Variants in GC observed in about 807,000 individuals in gnomAD.
GC encodes the protein vitamin D-binding protein.
Under a neutral mutation model 56.7 loss-of-function variants are expected in GC, and 43 were observed. That is an observed-to-expected ratio of 0.76 (90% CI 0.59 to 0.98). The LOEUF (loss-of-function observed/expected upper bound fraction) is 0.98, where lower values mean the gene tolerates loss of function less well. Ranked by LOEUF, GC falls within the 50% of genes least tolerant of loss-of-function variation. The pLI is 0.00. For synonymous variants in GC, 216 were observed against 202.7 expected, an observed-to-expected ratio of 1.07 and a Z score of -0.56; for missense variants, 529 against 545.9, an observed-to-expected ratio of 0.97 and a Z score of 0.31.
rs1194396925 is a variant in GC at position 71,803,906 on chromosome 4, T to G, written c.21+20A>C. 17 of 1,435,940 alleles carry G rather than the reference T, an allele frequency of 1.2e-5. No homozygotes were observed. In the East Asian group the frequency reaches 4.2e-4, roughly 35 times the overall value. The allele number at this position is 1,435,940 out of a possible 1,614,324, so 88.9% of individuals were successfully genotyped here. A position where few individuals can be genotyped will look rare whatever the true frequency, so the allele number is the denominator to read the frequency against. ...AGTACCAATGGTAACTTGAAATTAT[T>G]TGGAATTAGAACGCAGTACCTCACT... On this transcript the variant is annotated intron_variant, in intron 1 of 13. Transcript: ENST00000504199.
upstream of GC, among the ~76,000 whole-genome samples, chr4:71,785,352 A>G (rs535046966): frequency 2.0e-4 from 30 of 151,870 alleles, no homozygotes; most frequent in Non-Finnish European, 3.5e-4. Context: ...AACTCAGTGG[A>G]AGAGTTTAAA....
chr4:71,787,446 T>C (rs1478175759), upstream of GC, among the ~76,000 whole-genome samples: 1 of 151,948 alleles, frequency 6.6e-6, no homozygotes, highest in Non-Finnish European at 1.5e-5. Flanking sequence ...GTCTTTCATT[T>C]ATTCATTTAA....
chr4:71,779,659 T>C (rs747034812), intron 1 of GC, among the ~76,000 whole-genome samples: 12 of 151,870 alleles, frequency 7.9e-5, no homozygotes, highest in Non-Finnish European at 1.3e-4. Context: ...GTTTCTTCAT[T>C]TTCTCCTGTC....
At chr4:71,777,291 C>T (rs1212782610) in intron 1 of GC, among the ~76,000 whole-genome samples, 1 of 151,692 alleles carries the variant, frequency 6.6e-6, no homozygotes, top group Non-Finnish European at 1.5e-5. Context: ...CTATCAAGTA[C>T]TCAATGCTAT....
intron 11 of GC, among the ~76,000 whole-genome samples, chr4:71,749,384 T>G (rs1484633182): frequency 6.6e-6 from 1 of 152,232 alleles, no homozygotes; most frequent in Non-Finnish European, 1.5e-5. Flanking sequence ...AGCATGAATT[T>G]GCGCTTAAAG....
At chr4:71,792,961 A>G (rs967685636) in intron 1 of GC, among the ~76,000 whole-genome samples, 1 of 152,186 alleles carries the variant, frequency 6.6e-6, no homozygotes, top group Non-Finnish European at 1.5e-5. Context: ...GTCAAAGATC[A>G]GATGGTTGTA....
intron 1 of GC, among the ~76,000 whole-genome samples, chr4:71,773,458 G>A (rs920304193): frequency 1.4e-4 from 22 of 151,950 alleles, no homozygotes; most frequent in African/African-American, 5.1e-4. Context: ...ATTTTTTGAG[G>A]CTTACTTTGT....
intron 1 of GC, among the ~76,000 whole-genome samples, chr4:71,783,389 G>T (rs772587879): frequency 2.6e-5 from 4 of 151,674 alleles, no homozygotes; most frequent in Non-Finnish European, 4.4e-5. Context: ...TAATTTCAAT[G>T]AAAAATATAA....
At chr4:71,769,456 T>G in intron 1 of GC, 56 bp from the exon 2 acceptor site, 1 of 1,086,012 alleles carries the variant, frequency 9.2e-7, no homozygotes, top group Non-Finnish European at 1.4e-6. Flanking sequence ...AATATTATGT[T>G]ACATGTACAT....
rs747944150 is a variant in GC at position 71,770,510 on chromosome 4, ACACAT to A, written c.59-1115_59-1111del. 6.6e-4 allele frequency among the ~76,000 whole-genome samples: 100 copies of A among 152,314 alleles called. No homozygotes were observed. In the Middle Eastern group the frequency reaches 0.01, roughly 16 times the overall value. On this transcript the variant is annotated intron_variant, in intron 1 of 12. Transcript: ENST00000273951. ...CACAGTAAGAGAAAACGGCAGCTTT[ACACAT>A]CTTGGTAACCAGAGGAGACAACCTT...
intron 11 of GC, among the ~76,000 whole-genome samples, chr4:71,751,526 T>TA (rs1183643849): frequency 2.6e-5 from 4 of 151,996 alleles, no homozygotes; most frequent in African/African-American, 7.3e-5. Flanking sequence ...TTGCACAAAT[T>TA]AAAAAATAAA....
chr4:71,768,258 C>T, intron 3 of GC, 43 bp downstream of exon 3: 1 of 1,514,830 alleles, frequency 6.6e-7, no homozygotes, highest in South Asian at 1.3e-5. Context: ...TTTTGGCTTC[C>T]TTCTCTGGGC....
rs532562071 is a variant in GC, at chr4:71,747,370, A to T, written c.1396-1165T>A. Among the ~76,000 whole-genome samples, 17 of 152,264 alleles carry T rather than the reference A, an allele frequency of 1.1e-4. 1 individual carries two copies. In the East Asian group the frequency reaches 2.7e-3, roughly 24 times the overall value. ...AAATGTAGTGCCATGGAAATGAAGA[A>T]CAAGGAAAAAACTCTGGAAACAAAT... On this transcript the variant is annotated intron_variant, in intron 11 of 12. Transcript: ENST00000273951.
At chr4:71,759,997 AG>A (rs1189361877) in intron 6 of GC, among the ~76,000 whole-genome samples, 1 of 151,802 alleles carries the variant, frequency 6.6e-6, no homozygotes, top group African/African-American at 2.4e-5. Context: ...ACTGTCATTG[AG>A]TATTCAAGTA....
At chr4:71,770,246 C>T (rs1054369898) in intron 1 of GC, among the ~76,000 whole-genome samples, 2 of 152,096 alleles carry the variant, frequency 1.3e-5, no homozygotes, top group African/African-American at 2.4e-5. Context: ...ATGTGACCTG[C>T]AGACCTGATG....
chr4:71,742,942 C>T (rs891225390), intron 12 of GC, among the ~76,000 whole-genome samples: 3 of 152,108 alleles, frequency 2.0e-5, no homozygotes, highest in Admixed American at 6.5e-5. Flanking sequence ...CCACTGCACT[C>T]CAGACTGGGC....
chr4:71,757,432 C>T (rs1741817193), intron 7 of GC, among the ~76,000 whole-genome samples: 1 of 151,998 alleles, frequency 6.6e-6, no homozygotes, highest in Non-Finnish European at 1.5e-5. Flanking sequence ...TGGAGACTGA[C>T]CTTCAGCTAA....
chr4:71,794,622 GA>G (rs1743052545), intron 1 of GC, among the ~76,000 whole-genome samples: 1 of 151,946 alleles, frequency 6.6e-6, no homozygotes, highest in Non-Finnish European at 1.5e-5. Flanking sequence ...TGGATCCATT[GA>G]TTTTTTGAAG....
chr4:71,754,122 G>A (rs1441982932), intron 10 of GC, among the ~76,000 whole-genome samples: 1 of 152,132 alleles, frequency 6.6e-6, no homozygotes, highest in Non-Finnish European at 1.5e-5. Context: ...GTATGGCATA[G>A]TGGTGAAGTC....
Sources: allele counts gnomAD v4.1 joint callset (sites outside exome capture counted in the v4.1 genomes callset), GRCh38; gene constraint gnomAD v4.1.1; transcripts MANE v1.5; gene names NCBI Gene and HGNC (gene_info 2026-07-23, HGNC 2026-07-21).